The following EIF4G3 variants were observed in gnomAD, a reference collection of about 807,000 sequenced individuals.
EIF4G3 encodes the protein eIF-4-gamma 3.
Under a neutral mutation model 186.4 loss-of-function variants are expected in EIF4G3, and 34 were observed. The observed-to-expected ratio is 0.18, with a 90% CI of 0.14 to 0.24. EIF4G3 has a LOEUF of 0.24. Ranked by LOEUF, EIF4G3 falls within the 10% of genes least tolerant of loss-of-function variation. EIF4G3 has a pLI of 1.00. For synonymous variants in EIF4G3, 673 were observed against 679.5 expected, an observed-to-expected ratio of 0.99 and a Z score of 0.15; for missense variants, 1,536 against 1,948.5, an observed-to-expected ratio of 0.79 and a Z score of 3.99.
At chr1:21,159,307 G>A (rs2097716395) in intron 2 of EIF4G3, among the ~76,000 whole-genome samples, 2 of 152,104 alleles carry the variant, frequency 1.3e-5, no homozygotes, top group African/African-American at 4.8e-5. Flanking sequence ...GGGCACAGTG[G>A]TGTGTGCCTG....
chr1:21,034,802 G>A (rs529539124), intron 4 of EIF4G3, among the ~76,000 whole-genome samples: 38 of 152,254 alleles, frequency 2.5e-4, no homozygotes, highest in Admixed American at 1.2e-3. Flanking sequence ...TGGCACCACC[G>A]GAGATCGTGT....
chr1:21,039,954 C>A (rs973032439), intron 4 of EIF4G3, among the ~76,000 whole-genome samples: 3 of 152,200 alleles, frequency 2.0e-5, no homozygotes, highest in Non-Finnish European at 4.4e-5. Flanking sequence ...TTTATAGATA[C>A]ACTCTCTCTG....
intron 7 of EIF4G3, among the ~76,000 whole-genome samples, chr1:20,988,880 C>G (rs2080204866): frequency 6.6e-6 from 1 of 151,228 alleles, no homozygotes; most frequent in Non-Finnish European, 1.5e-5. Context: ...AAAAAACTTC[C>G]TGGAAAGGAT....
intron 4 of EIF4G3, among the ~76,000 whole-genome samples, chr1:21,015,830 A>T (rs1323241615): frequency 6.6e-6 from 1 of 152,064 alleles, no homozygotes; most frequent in Admixed American, 6.6e-5. Flanking sequence ...TGAGGGAAGA[A>T]TTAAGACATT....
chr1:20,897,509 A>G (rs753178496), intron 16 of EIF4G3, among the ~76,000 whole-genome samples: 5 of 137,300 alleles, frequency 3.6e-5, no homozygotes, highest in Non-Finnish European at 6.6e-5. Context: ...TCTCCTGCCT[A>G]TAATTTCATC....
intron 12 of EIF4G3, among the ~76,000 whole-genome samples, chr1:20,961,059 T>C (rs529453258): frequency 1.8e-4 from 28 of 152,196 alleles, no homozygotes; most frequent in African/African-American, 6.7e-4. Context: ...AATGAGTAGG[T>C]CTTTGATGGT....
intron 2 of EIF4G3, among the ~76,000 whole-genome samples, chr1:21,121,669 G>A (rs111539555): frequency 1.1e-3 from 162 of 152,044 alleles, no homozygotes; most frequent in African/African-American, 3.8e-3. Context: ...CAGCTACTCG[G>A]GAGGCTAAGG....
intron 12 of EIF4G3, among the ~76,000 whole-genome samples, chr1:20,968,249 G>T (rs1196605696): frequency 6.6e-6 from 1 of 150,968 alleles, no homozygotes; most frequent in Non-Finnish European, 1.5e-5. Context: ...GCACAATCTC[G>T]GCTCACCACA....
intron 14 of EIF4G3, among the ~76,000 whole-genome samples, chr1:20,915,506 A>G (rs1240242035): frequency 2.0e-5 from 3 of 152,190 alleles, no homozygotes; most frequent in Non-Finnish European, 2.9e-5. Context: ...GTAAAATTGA[A>G]CAATACAGAA....
chr1:21,129,727 C>A (rs1342473466), intron 2 of EIF4G3, among the ~76,000 whole-genome samples: 1 of 152,046 alleles, frequency 6.6e-6, no homozygotes, highest in Admixed American at 6.6e-5. Context: ...CAACCCCCCA[C>A]CCCAATTCCA....
chr1:21,110,120 G>C (rs2096695454), intron 2 of EIF4G3, among the ~76,000 whole-genome samples: 1 of 152,082 alleles, frequency 6.6e-6, no homozygotes, highest in Non-Finnish European at 1.5e-5. Context: ...TTAAAGTAAA[G>C]TGAAATATAA....
intron 4 of EIF4G3, among the ~76,000 whole-genome samples, chr1:21,016,395 G>T (rs1023933155): frequency 6.6e-6 from 1 of 152,082 alleles, no homozygotes; most frequent in African/African-American, 2.4e-5. Flanking sequence ...TCTTAAAAAA[G>T]ATACTTGTGG....
rs775069906 is a variant in EIF4G3 at position 20,860,404 on chromosome 1, G to C, written c.3225C>G (p.Thr1075=). ...CCTCACCTGGTCTTCTCTTCTCTTT[G>C]GTCATGAGTTGCTGGACCTTCCTTT... ...EEQRKVQQLM[T]KEKRRPGVQR... is the part of the protein sequence containing the mutation. The change falls in exon 24 of 37, where the codon ACC becomes ACG. Residue 1075 remains threonine (T), a synonymous_variant. Coordinates refer to ENST00000602326, the MANE Select transcript of EIF4G3 (RefSeq NM_001391906.1). 5 of 1,613,904 alleles carry C rather than the reference G, an allele frequency of 3.1e-6. No individual in the cohort carries two copies. The South Asian group carries it at 4.4e-5, about 14-fold the overall frequency.
chr1:20,978,891 G>T (rs2077408216), intron 10 of EIF4G3, among the ~76,000 whole-genome samples: 1 of 151,264 alleles, frequency 6.6e-6, no homozygotes. Flanking sequence ...TGGTTGCTTT[G>T]CCTACTTCAC....
At chr1:21,148,880 A>C (rs1194823146) in intron 2 of EIF4G3, among the ~76,000 whole-genome samples, 1 of 152,048 alleles carries the variant, frequency 6.6e-6, no homozygotes, top group Non-Finnish European at 1.5e-5. Flanking sequence ...ATTGTGGCAC[A>C]GTCATATATC....
At chr1:21,145,977 CCTAG>C (rs1404963324) in intron 2 of EIF4G3, among the ~76,000 whole-genome samples, 1 of 151,988 alleles carries the variant, frequency 6.6e-6, no homozygotes, top group Non-Finnish European at 1.5e-5. Flanking sequence ...GGACTGTAGT[CCTAG>C]CTACACAAAA....
At chr1:20,868,934 A>T (rs148411843) in intron 20 of EIF4G3, among the ~76,000 whole-genome samples, 60 of 152,340 alleles carry the variant, frequency 3.9e-4, no homozygotes, top group Non-Finnish European at 6.3e-4. Flanking sequence ...AGCATCAGGT[A>T]GTAATTTTCT....
chr1:20,886,392 C>T (rs372295547), intron 18 of EIF4G3, 21 bp from the exon 19 acceptor site: 11 of 1,608,760 alleles, frequency 6.8e-6, no homozygotes, highest in African/African-American at 1.3e-5. Context: ...AATATTACAG[C>T]TATTCAGAGT....
At chr1:20,865,313 T>C in intron 20 of EIF4G3, 51 bp from the exon 21 acceptor site, 1 of 1,593,432 alleles carries the variant, frequency 6.3e-7, no homozygotes, top group Non-Finnish European at 8.6e-7. Context: ...CTTAAAGACA[T>C]TAAAAATATC....
Sources: gnomAD v4.1 joint callset for allele counts (sites outside exome capture counted in the v4.1 genomes callset) on GRCh38, gnomAD v4.1.1 for gene constraint, MANE v1.5 for transcripts, NCBI Gene and HGNC (gene_info 2026-07-23, HGNC 2026-07-21) for gene names.